GIPR: variants seen among roughly 807,000 people sequenced by gnomAD.
GIPR encodes gastric inhibitory polypeptide receptor.
A neutral mutation model predicts 62.2 loss-of-function variants in GIPR; 74 were observed. The observed-to-expected ratio is 1.19, with a 90% CI of 0.99 to 1.44. The LOEUF is 1.44. Ranked by LOEUF, GIPR falls within the 40% of genes most tolerant of loss-of-function variation. The pLI is 0.00. For synonymous variants in GIPR, 256 were observed against 262.2 expected (o/e 0.98, Z 0.23); for missense variants, 664 against 611.8 (o/e 1.09, Z -0.90).
chr19:45,669,965 G>C (rs961421983), intron 2 of GIPR, among the ~76,000 whole-genome samples: 2 of 151,480 alleles, frequency 1.3e-5, no homozygotes, highest in Admixed American at 6.6e-5. Flanking sequence ...GGGGGGGGAG[G>C]CTTCCCTCAG....
intron 4 of GIPR, among the ~76,000 whole-genome samples, chr19:45,671,816 T>C: frequency 6.6e-6 from 1 of 151,104 alleles, no homozygotes; most frequent in African/African-American, 2.4e-5. Flanking sequence ...CAGACAGGGT[T>C]TCACCATGTT....
In GIPR at chr19:45,670,671, C is replaced by G. The variant is rs149510000; in HGVS notation, c.109C>G (p.Gln37Glu). 24 of 1,613,362 alleles carry G rather than the reference C, an allele frequency of 1.5e-5. No homozygotes were observed. In the African/African-American group the frequency reaches 2.9e-4, roughly 20 times the overall value. ...SKGQTAGELY[Q>E]RWERYRRECQ... is the part of the protein sequence containing the mutation. Reference sequence around the variant, plus strand: ...GGGGCAGACGGCGGGGGAGCTGTACCAGCGCTGGGAACGGTACCGCAGGGA... The same window carrying G: ...GGGGCAGACGGCGGGGGAGCTGTACGAGCGCTGGGAACGGTACCGCAGGGA... The change falls in exon 3 of 14, where the codon CAG becomes GAG. Residue 37 changes from glutamine to glutamate, a missense_variant. Transcript: ENST00000590918.
chr19:45,679,438 C>T (rs1038086187), intron 12 of GIPR, among the ~76,000 whole-genome samples: 3 of 147,986 alleles, frequency 2.0e-5, no homozygotes, highest in Non-Finnish European at 3.0e-5. Context: ...GCCGAGATCA[C>T]GCCACTGCAC....
At chr19:45,674,983 C>T in intron 7 of GIPR, 157 bp downstream of exon 7, 1 of 625,384 alleles carries the variant, frequency 1.6e-6, no homozygotes, top group South Asian at 1.6e-5. Flanking sequence ...GATCAAGACA[C>T]ATTTGGAGAG....
intron 7 of GIPR, 133 bp from the exon 8 acceptor site, chr19:45,676,816 C>A: frequency 1.3e-6 from 1 of 789,042 alleles, no homozygotes; most frequent in Non-Finnish European, 2.2e-6. Context: ...TCACAGATAC[C>A]ATTCACTGGG....
rs774121477 is a variant in GIPR at position 45,678,101 on chromosome 19, A to T, written c.1027A>T (p.Thr343Ser). ...CTCTCTCCCCAGGCTGGCTCGCTCCACGCTGACGCTGGTGCCCCTGCTGGG... is the reference window on the plus strand; with the variant it reads ...CTCTCTCCCCAGGCTGGCTCGCTCCTCGCTGACGCTGGTGCCCCTGCTGGG... ...RDYRLRLARS[T>S]LTLVPLLGVH... is the part of the protein sequence containing the mutation. Residue 343 changes from threonine (T) to serine (S), a missense_variant, in exon 12 of 14, where the codon ACG becomes TCG. Transcript: ENST00000590918. 6.2e-7 allele frequency: 1 copy of T among 1,612,570 alleles called. No individual in the cohort carries two copies. Among genetic ancestry groups the T allele is most frequent in the African/African-American group, 1.3e-5 (1 of 74,996 alleles).
Position 45,676,966 on chromosome 19 carries a change from C to A in GIPR, c.651C>A (p.Arg217=). The A allele has an allele frequency of 1.2e-6, 2 of 1,614,114 alleles. No homozygotes were observed. The highest frequency in any genetic ancestry group is 1.7e-6 in the Non-Finnish European group (2 of 1,180,018). The change falls in exon 8 of 14, where the codon CGC becomes CGA. Residue 217 remains arginine (R), a synonymous_variant. Transcript: ENST00000590918. ...ALWNQALAAC[R]TAQIVTQYCV... Reference sequence around the variant, plus strand: ...CTCCCTAGGCCCTCGCTGCCTGCCGCACGGCCCAGATCGTGACCCAGTACT... The same window carrying A: ...CTCCCTAGGCCCTCGCTGCCTGCCGAACGGCCCAGATCGTGACCCAGTACT...
rs779746611 is a variant in GIPR, at chr19:45,681,605, G to T, written c.1154G>T (p.Gly385Val). ...AACCTCCGCGCCTCCTCTGGGCAGG[G>T]CTTCCTGGTCAGCGTCCTCTACTGC... Reference protein sequence around the residue: ...GFEIFLSSFQGFLVSVLYCFI... With the variant: ...GFEIFLSSFQVFLVSVLYCFI... Residue 385 changes from glycine to valine, a missense_variant and splice_region_variant, in exon 13 of 14, where the codon GGC (glycine) becomes GTC (valine). Gly to Val is a moderately radical substitution (Grantham distance 109). Transcript: ENST00000590918. 1 of 1,613,814 alleles carries T rather than the reference G, an allele frequency of 6.2e-7. No homozygotes were observed. Among genetic ancestry groups the T allele is most frequent in the South Asian group, 1.1e-5 (1 of 91,080 alleles).
Position 45,669,501 on chromosome 19 carries a change from G to C in GIPR, c.-20G>C, listed in dbSNP as rs769638487. 3.8e-6 allele frequency: 6 copies of C among 1,565,534 alleles called. No homozygotes were observed. The South Asian group carries it at 5.9e-5, about 15-fold the overall frequency. ...GGCCTGATCGCCCCTGCACGAACCA[G>C]ACCCTTCGCCGCCCTCACGATGACT... On this transcript the variant is annotated 5_prime_UTR_variant, in exon 2 of 14. Transcript: ENST00000590918.
intron 12 of GIPR, among the ~76,000 whole-genome samples, chr19:45,678,758 C>T (rs1205274976): frequency 6.6e-6 from 1 of 152,258 alleles, no homozygotes; most frequent in Non-Finnish European, 1.5e-5. Context: ...CCCAGCAGTG[C>T]TGCCTGCTAG....
intron 7 of GIPR, chr19:45,675,455 A>AGGCCCTCGCCTGTAC: frequency 3.3e-5 from 5 of 151,890 alleles, no homozygotes; most frequent in Non-Finnish European, 5.8e-5. Context: ...GACACCTGTA[A>AGGCCCTCGCCTGTAC]TCCCAGCTAC....
In GIPR at chr19:45,674,175, C is replaced by G. The variant is rs761170379; in HGVS notation, c.486C>G (p.Phe162Leu). 7 of 1,598,504 alleles carry G rather than the reference C, an allele frequency of 4.4e-6. 1 individual carries two copies. In the South Asian group the frequency reaches 7.7e-5, roughly 18 times the overall value. The change falls in exon 6 of 14, where the codon TTC becomes TTG. Residue 162 changes from phenylalanine (F) to leucine (L), a missense_variant and splice_region_variant. Physicochemically the swap from Phe to Leu is conservative, Grantham distance 22. Transcript: ENST00000590918. ...LLLALLILSL[F>L]RRLHCTRNYI... ...TAGCCCTGCTCATCTTGAGTTTGTT[C>G]AGGTGGGACCTTAACCCTGAGTGGT...
At position 45,682,774 on chromosome 19, in the gene GIPR, C is replaced by G. The variant is rs1442661467; in HGVS notation, c.*839C>G. The G allele has an allele frequency of 6.6e-6, 1 of 151,238 alleles. No individual in the cohort carries two copies. Among genetic ancestry groups the G allele is most frequent in the Non-Finnish European group, 1.5e-5 (1 of 67,894 alleles). The allele number at this position is 151,238 out of a possible 1,614,324, so 9.4% of individuals were successfully genotyped here. A position where few individuals can be genotyped will look rare whatever the true frequency, so the allele number is the denominator to read the frequency against. On this transcript the variant is annotated 3_prime_UTR_variant, in exon 14 of 14. Transcript: ENST00000590918. ...GCCAGGCTGGTCTCGAACTCCTGAC[C>G]TCAAGTGATCCACCCACCTCAGCCT... is the stretch of plus-strand genomic sequence containing the variant.
Position 45,677,735 on chromosome 19 carries a change from G to A in GIPR, c.880G>A (p.Ala294Thr). The change falls in exon 10 of 14, where the codon GCC (alanine) becomes ACC (threonine). Residue 294 changes from alanine (A) to threonine (T), a missense_variant. Physicochemically the swap from Ala to Thr is moderately conservative, Grantham distance 58 (BLOSUM62 0). Transcript: ENST00000590918. ...TQCWERNEVK[A>T]IWWIIRTPIL... ...GTGCTGGGAGCGCAACGAAGTCAAG[G>A]CCATTTGGTGGATTATACGGACCCC... The A allele has an allele frequency of 6.2e-7, 1 of 1,613,646 alleles. No homozygotes were observed. Among genetic ancestry groups the A allele is most frequent in the Non-Finnish European group, 8.5e-7 (1 of 1,179,666 alleles).
intron 7 of GIPR, 105 bp downstream of exon 7, chr19:45,674,931 T>A (rs1338886201): frequency 8.4e-7 from 1 of 1,188,616 alleles, no homozygotes. Context: ...ACAGTTTATC[T>A]GAGTTGGGAG....
intron 7 of GIPR, 174 bp downstream of exon 7, chr19:45,675,000 T>C (rs766880653): frequency 3.2e-6 from 2 of 629,636 alleles, no homozygotes; most frequent in Non-Finnish European, 5.8e-6. Context: ...AGAGGGAACC[T>C]CCCAACTCGG....
rs528169422 is a variant in GIPR, at chr19:45,683,520, T to C, written c.*1585T>C. The C allele has an allele frequency of 1.3e-5, 2 of 152,336 alleles. No individual in the cohort carries two copies. The highest frequency in any genetic ancestry group is 4.8e-5 in the African/African-American group (2 of 41,558). The allele number at this position is 152,336 out of a possible 1,614,324, so 9.4% of individuals were successfully genotyped here. On this transcript the variant is annotated 3_prime_UTR_variant, in exon 14 of 14. Transcript: ENST00000590918. ...CCCCTAAATCCTCCCCCTACACATA[T>C]GCACACTTAAGTTACCGTATGGGTG...
intron 1 of GIPR, among the ~76,000 whole-genome samples, chr19:45,668,799 A>C (rs1040204303): frequency 1.3e-5 from 2 of 152,164 alleles, no homozygotes; most frequent in Admixed American, 1.3e-4. Flanking sequence ...CTAACCCCGG[A>C]TCTGTCGCTT....
At position 45,683,532 on chromosome 19, in the gene GIPR, T is replaced by G. The variant is rs1967346454; in HGVS notation, c.*1597T>G. The G allele has an allele frequency of 6.6e-6, 1 of 152,220 alleles. No homozygotes were observed. Among genetic ancestry groups the G allele is most frequent in the Admixed American group, 6.6e-5 (1 of 15,258 alleles). 9.4% of individuals were successfully genotyped at this position (152,220 alleles called of 1,614,324 possible). On this transcript the variant is annotated 3_prime_UTR_variant, in exon 14 of 14. Coordinates refer to ENST00000590918, the MANE Select transcript of GIPR (RefSeq NM_000164.4). The stretch of plus-strand genomic sequence containing the variant: ...CCCCCTACACATATGCACACTTAAG[T>G]TACCGTATGGGTGTTGTCGAGCATT...
Sources: allele counts gnomAD v4.1 joint callset (sites outside exome capture counted in the v4.1 genomes callset), GRCh38; gene constraint gnomAD v4.1.1; transcripts MANE v1.5; gene names NCBI Gene and HGNC (gene_info 2026-07-23, HGNC 2026-07-21).